LHFPL6: variants seen among roughly 807,000 people sequenced by gnomAD.
LHFPL6 encodes LHFPL tetraspan subfamily member 6 protein.
In LHFPL6, 9 loss-of-function variants were observed where a neutral mutation model predicts 20.6. The observed-to-expected ratio is 0.44, with a 90% CI of 0.26 to 0.76. The LOEUF is 0.76. Among genes scored for constraint, LHFPL6 ranks in the 30% least tolerant of loss-of-function variants. The probability of loss-of-function intolerance (pLI) is 0.20; values close to 1 mark genes in which losing one functional copy is unlikely to be tolerated. For missense variants in LHFPL6, 218 were observed against 253.5 expected, an observed-to-expected ratio of 0.86 and a Z score of 0.95; for synonymous variants, 105 against 98.7, an observed-to-expected ratio of 1.06 and a Z score of -0.38.
intron 2 of LHFPL6, among the ~76,000 whole-genome samples, chr13:39,452,584 G>A (rs1458195800): frequency 6.6e-6 from 1 of 152,146 alleles, no homozygotes; most frequent in Non-Finnish European, 1.5e-5. Context: ...CATGGAGTGT[G>A]GGGTGACAGG....
intron 2 of LHFPL6, among the ~76,000 whole-genome samples, chr13:39,597,091 TAGAAC>T (rs1872794357): frequency 6.6e-6 from 1 of 152,258 alleles, no homozygotes; most frequent in East Asian, 1.9e-4. Flanking sequence ...TCCGGCTTCT[TAGAAC>T]AGAACAGTGT....
intron 2 of LHFPL6, among the ~76,000 whole-genome samples, chr13:39,564,416 T>C (rs1268032626): frequency 6.6e-6 from 1 of 152,208 alleles, no homozygotes; most frequent in Non-Finnish European, 1.5e-5. Flanking sequence ...ATATCAATAC[T>C]GGGCCAGAGC....
chr13:39,587,157 CAAA>C (rs11298810), intron 2 of LHFPL6, among the ~76,000 whole-genome samples: 1 of 148,166 alleles, frequency 6.7e-6, no homozygotes, highest in Admixed American at 6.7e-5. Flanking sequence ...AACTCCGTCT[CAAA>C]AAAAAAAAAG....
At chr13:39,429,655 AT>A (rs1445367801) in intron 2 of LHFPL6, among the ~76,000 whole-genome samples, 1 of 151,888 alleles carries the variant, frequency 6.6e-6, no homozygotes, top group Non-Finnish European at 1.5e-5. Context: ...TATTGCTACT[AT>A]TTTTTCTAAT....
intron 2 of LHFPL6, among the ~76,000 whole-genome samples, chr13:39,438,784 T>C (rs967201309): frequency 6.6e-6 from 1 of 152,250 alleles, no homozygotes; most frequent in Admixed American, 6.5e-5. Flanking sequence ...CCTTGGCAAC[T>C]TCCATATGGT....
chr13:39,425,475 T>C (rs1871613803), intron 2 of LHFPL6, among the ~76,000 whole-genome samples: 1 of 152,226 alleles, frequency 6.6e-6, no homozygotes, highest in Admixed American at 6.5e-5. Context: ...TGTTTAACTT[T>C]TGAAGTCACT....
intron 2 of LHFPL6, among the ~76,000 whole-genome samples, chr13:39,387,850 AT>A (rs1870606874): frequency 6.6e-6 from 1 of 152,134 alleles, no homozygotes; most frequent in Admixed American, 6.6e-5. Context: ...TCCAGTCACC[AT>A]TTGTCTAAGA....
At position 39,530,394 on chromosome 13, in the gene LHFPL6, G is replaced by A. The variant is rs141980117; in HGVS notation, c.385+70438C>T. ...GAGAGGTGCCTGGAGGTATGAGCGG[G>A]GGCAAACTGGAGCACCATATCTGCC... On this transcript the variant is annotated intron_variant, in intron 2 of 3. Transcript: ENST00000379589. Among the ~76,000 whole-genome samples the A allele has an allele frequency of 5.9e-5, 9 of 152,192 alleles. No homozygotes were observed. In the East Asian group the frequency reaches 1.2e-3, roughly 20 times the overall value.
intron 2 of LHFPL6, among the ~76,000 whole-genome samples, chr13:39,473,342 A>AC (rs1491474676): frequency 6.6e-5 from 8 of 121,538 alleles, no homozygotes; most frequent in African/African-American, 3.5e-4. Flanking sequence ...GATCACACAC[A>AC]AACACACACA....
At chr13:39,569,975 G>A (rs536343426) in intron 2 of LHFPL6, among the ~76,000 whole-genome samples, 2 of 152,136 alleles carry the variant, frequency 1.3e-5, no homozygotes, top group Admixed American at 6.6e-5. Flanking sequence ...TAGAATGGTG[G>A]AAGAAAAGGA....
chr13:39,562,361 C>CAT (rs1555268227), intron 2 of LHFPL6, among the ~76,000 whole-genome samples: 2 of 112,482 alleles, frequency 1.8e-5, no homozygotes, highest in African/African-American at 3.4e-5. Context: ...CATATATATA[C>CAT]ATATACATAT....
intron 2 of LHFPL6, among the ~76,000 whole-genome samples, chr13:39,462,586 A>G (rs1311227221): frequency 6.6e-6 from 1 of 152,224 alleles, no homozygotes; most frequent in South Asian, 2.1e-4. Context: ...ACCTGTATTA[A>G]GCAACAAATA....
intron 3 of LHFPL6, among the ~76,000 whole-genome samples, chr13:39,371,868 G>A (rs1299479154): frequency 2.0e-5 from 3 of 152,206 alleles, no homozygotes; most frequent in African/African-American, 7.2e-5. Context: ...AGAGTGAGGA[G>A]AGAGACTCTG....
chr13:39,358,992 G>A (rs545901090), intron 3 of LHFPL6, among the ~76,000 whole-genome samples: 20 of 152,250 alleles, frequency 1.3e-4, no homozygotes, highest in African/African-American at 4.8e-4. Flanking sequence ...CCAACATGGT[G>A]AAACCCCATC....
At chr13:39,536,675 C>G (rs116363000) in intron 2 of LHFPL6, among the ~76,000 whole-genome samples, 2,161 of 152,270 alleles carry the variant, frequency 0.014, 49 homozygotes, top group East Asian at 0.093. Flanking sequence ...TCCGATCCTT[C>G]CCCCTTTATC....
In LHFPL6 at chr13:39,511,373, T is replaced by TA. The variant is rs576750042; in HGVS notation, c.385+89458dup. Among the ~76,000 whole-genome samples the TA allele has an allele frequency of 8.6e-5, 13 of 151,618 alleles. No individual in the cohort carries two copies. The South Asian group carries it at 2.7e-3, about 32-fold the overall frequency. ...GCAAATGAGGATGAACTAGAAGGCA[T>TA]AAAAAATAACATATTTCCTCCCATT... On this transcript the variant is annotated intron_variant, in intron 2 of 3. Transcript: ENST00000379589.
intron 2 of LHFPL6, among the ~76,000 whole-genome samples, chr13:39,488,581 C>G (rs1223599658): frequency 6.6e-6 from 1 of 152,158 alleles, no homozygotes; most frequent in Non-Finnish European, 1.5e-5. Flanking sequence ...ATTAGACACA[C>G]TCTCCTCACC....
At chr13:39,601,604 C>T (rs781672550) in intron 1 of LHFPL6, among the ~76,000 whole-genome samples, 8 of 152,188 alleles carry the variant, frequency 5.3e-5, no homozygotes, top group Admixed American at 1.3e-4. Context: ...TAAATATTTC[C>T]AAATTAACTC....
At chr13:39,473,938 T>C (rs905304566) in intron 2 of LHFPL6, among the ~76,000 whole-genome samples, 7 of 152,172 alleles carry the variant, frequency 4.6e-5, no homozygotes, top group Non-Finnish European at 7.4e-5. Flanking sequence ...AGGAAAAAGC[T>C]CCCAGAAATA....
Sources: allele counts gnomAD v4.1 joint callset (sites outside exome capture counted in the v4.1 genomes callset), GRCh38; gene constraint gnomAD v4.1.1; transcripts MANE v1.5; gene names NCBI Gene and HGNC (gene_info 2026-07-23, HGNC 2026-07-21).